Variants in PLSCR1 observed in about 807,000 individuals in gnomAD.
PLSCR1 encodes the protein PL scramblase 1.
A neutral mutation model predicts 37.8 loss-of-function variants in PLSCR1; 17 were observed. The ratio of observed to expected loss-of-function variants is 0.45; its 90% CI spans 0.31 to 0.68. The LOEUF is 0.68. Ranked by LOEUF, PLSCR1 falls within the 30% of genes least tolerant of loss-of-function variation. The probability of loss-of-function intolerance (pLI) is 0.06; values close to 1 mark genes in which losing one functional copy is unlikely to be tolerated. For synonymous variants in PLSCR1, 116 were observed against 125.9 expected, an observed-to-expected ratio of 0.92 and a Z score of 0.53; for missense variants, 347 against 380.9, an observed-to-expected ratio of 0.91 and a Z score of 0.74.
intron 4 of PLSCR1, chr3:146,528,310 A>C (rs1450633167): frequency 2.9e-6 from 1 of 346,118 alleles, no homozygotes; most frequent in Non-Finnish European, 5.4e-6. Context: ...CAGACTTTCA[A>C]TAAGGATTAA....
chr3:146,522,504 A>G (rs2044039489), intron 5 of PLSCR1, among the ~76,000 whole-genome samples: 1 of 152,204 alleles, frequency 6.6e-6, no homozygotes, highest in Non-Finnish European at 1.5e-5. Flanking sequence ...ATGCTTGTTA[A>G]GAGTCATCAC....
chr3:146,523,027 C>T (rs1456645766), intron 5 of PLSCR1, among the ~76,000 whole-genome samples: 1 of 152,244 alleles, frequency 6.6e-6, no homozygotes, highest in Non-Finnish European at 1.5e-5. Context: ...ACATCCCCCT[C>T]TCCGGGAAAC....
chr3:146,521,845 G>T lies in PLSCR1; in HGVS notation c.564C>A (p.Cys188Ter), dbSNP rs756026114. ...PLRCSSCCCP[C>*]CLQEIEIQAP... ...ATTGATCACAGACCTCCTGAAGGCA[G>T]CAGGGACAACAACAGCTGCTACATC... Residue 188 changes from cysteine to a stop codon, truncating the protein, a stop_gained, in exon 6 of 9, where the codon TGC becomes TGA. Transcript: ENST00000342435. LOFTEE classifies it high-confidence loss of function. 1.9e-6 allele frequency: 3 copies of T among 1,612,096 alleles called. No individual in the cohort carries two copies. The highest frequency in any genetic ancestry group is 2.5e-6 in the Non-Finnish European group (3 of 1,178,400).
chr3:146,516,160 C>G, intron 8 of PLSCR1, 59 bp from the exon 9 acceptor site: 1 of 1,044,702 alleles, frequency 9.6e-7, no homozygotes, highest in Admixed American at 1.9e-5. Context: ...GATCAATTAT[C>G]AGATGCAGAA....
chr3:146,521,846 C>A lies in PLSCR1; in HGVS notation c.563G>T (p.Cys188Phe). Reference sequence around the variant, plus strand: ...TTGATCACAGACCTCCTGAAGGCAGCAGGGACAACAACAGCTGCTACATCT... The same window carrying A: ...TTGATCACAGACCTCCTGAAGGCAGAAGGGACAACAACAGCTGCTACATCT... ...PLRCSSCCCP[C>F]CLQEIEIQAP... The change falls in exon 6 of 9, where the codon TGC becomes TTC. Residue 188 changes from cysteine (C) to phenylalanine (F), a missense_variant. By Grantham distance (205) the Cys-to-Phe change is radical. Coordinates refer to ENST00000342435, the MANE Select transcript of PLSCR1 (RefSeq NM_021105.3). 2 of 1,612,196 alleles carry A rather than the reference C, an allele frequency of 1.2e-6. No homozygotes were observed. Among genetic ancestry groups the A allele is most frequent in the South Asian group, 1.1e-5 (1 of 90,958 alleles).
chr3:146,524,699 T>TA (rs35783404), intron 5 of PLSCR1, among the ~76,000 whole-genome samples: 24 of 148,942 alleles, frequency 1.6e-4, no homozygotes, highest in Middle Eastern at 3.5e-3. Flanking sequence ...TTAGATACAC[T>TA]AAAAAAAAAA....
intron 7 of PLSCR1, 49 bp downstream of exon 7, chr3:146,521,495 C>A (rs1203569482): frequency 1.3e-6 from 2 of 1,504,590 alleles, no homozygotes; most frequent in Admixed American, 1.8e-5. Flanking sequence ...AAATTACATT[C>A]TTCTTATATT....
At chr3:146,539,519 C>T (rs922271159) in intron 1 of PLSCR1, among the ~76,000 whole-genome samples, 5 of 152,150 alleles carry the variant, frequency 3.3e-5, no homozygotes, top group Non-Finnish European at 5.9e-5. Flanking sequence ...AGTTTCAAGT[C>T]GTTGCCAAAT....
chr3:146,533,715 T>A (rs1336599980), intron 2 of PLSCR1, among the ~76,000 whole-genome samples, 165 bp from the exon 3 acceptor site: 4 of 152,368 alleles, frequency 2.6e-5, no homozygotes, highest in Admixed American at 2.6e-4. Context: ...TTCTCAGAGC[T>A]AATTTGCAAC....
chr3:146,528,810 T>C lies in PLSCR1; in HGVS notation c.116A>G (p.Tyr39Cys), dbSNP rs1576789684. ...AFQGPPGYSG[Y>C]PGPQVSYPPP... is the part of the protein sequence containing the mutation. ...TGGGTAGCTGACCTGGGGCCCAGGGTAGCCACTATATCCTGGAGGTCCTGA... is the reference window on the plus strand; with the variant it reads ...TGGGTAGCTGACCTGGGGCCCAGGGCAGCCACTATATCCTGGAGGTCCTGA... The change falls in exon 4 of 9, where the codon TAC becomes TGC. Residue 39 changes from tyrosine to cysteine, a missense_variant. Physicochemically the swap from Tyr to Cys is radical, Grantham distance 194 (BLOSUM62 -2). Coordinates refer to ENST00000342435, the MANE Select transcript of PLSCR1 (RefSeq NM_021105.3). 6.2e-7 allele frequency: 1 copy of C among 1,613,960 alleles called. No individual in the cohort carries two copies. The highest frequency in any genetic ancestry group is 8.5e-7 in the Non-Finnish European group (1 of 1,179,916).
At chr3:146,520,347 G>A (rs1305387540) in intron 7 of PLSCR1, among the ~76,000 whole-genome samples, 5 of 152,152 alleles carry the variant, frequency 3.3e-5, no homozygotes, top group Non-Finnish European at 5.9e-5. Context: ...ATATATGCCA[G>A]CCAAACTTCT....
At position 146,517,108 on chromosome 3, in the gene PLSCR1, A is replaced by T. The variant is rs763147224; in HGVS notation, c.798T>A (p.Ile266=). Residue 266 remains isoleucine (I), a synonymous_variant, in exon 8 of 9, where the codon ATT becomes ATA. Coordinates refer to ENST00000342435, the MANE Select transcript of PLSCR1 (RefSeq NM_021105.3). Reference sequence around the variant, plus strand: ...CAGCGTCTGTAAATGCCTCTCTCAAAATTCCAGTCCAGTGCTTGGAAATTT... The same window carrying T: ...CAGCGTCTGTAAATGCCTCTCTCAATATTCCAGTCCAGTGCTTGGAAATTT... The part of the protein sequence containing the change: ...VGKISKHWTG[I]LREAFTDADN... 1 of 1,602,172 alleles carries T rather than the reference A, an allele frequency of 6.2e-7. No individual in the cohort carries two copies. The highest frequency in any genetic ancestry group is 8.5e-7 in the Non-Finnish European group (1 of 1,173,494).
chr3:146,522,181 G>C, intron 5 of PLSCR1, 128 bp from the exon 6 acceptor site: 4 of 656,134 alleles, frequency 6.1e-6, no homozygotes, highest in Non-Finnish European at 1.1e-5. Context: ...GAGAAGAAAT[G>C]ATGTTTAGAG....
intron 5 of PLSCR1, among the ~76,000 whole-genome samples, chr3:146,523,420 T>C (rs1258790523): frequency 2.0e-5 from 3 of 152,210 alleles, no homozygotes; most frequent in Admixed American, 6.5e-5. Context: ...AGGATTGCTG[T>C]TTATGTGCTA....
intron 3 of PLSCR1, among the ~76,000 whole-genome samples, chr3:146,531,543 G>A (rs551043207): frequency 6.6e-6 from 1 of 152,268 alleles, no homozygotes; most frequent in East Asian, 1.9e-4. Flanking sequence ...GACTCTGAAA[G>A]TATGATGGAT....
At chr3:146,535,284 C>G (rs2044251217) in intron 2 of PLSCR1, among the ~76,000 whole-genome samples, 1 of 152,024 alleles carries the variant, frequency 6.6e-6, no homozygotes, top group African/African-American at 2.4e-5. Flanking sequence ...AACAGACAGA[C>G]TCAAGAAATC....
intron 5 of PLSCR1, among the ~76,000 whole-genome samples, chr3:146,522,390 C>T (rs1576782938): frequency 1.3e-5 from 2 of 151,774 alleles, no homozygotes; most frequent in South Asian, 2.1e-4. Flanking sequence ...TGTAACCCTA[C>T]CCCCCACCCT....
intron 1 of PLSCR1, chr3:146,536,905 C>T (rs560066720): frequency 5.0e-6 from 1 of 200,982 alleles, no homozygotes; most frequent in Non-Finnish European, 1.0e-5. Context: ...ACCTTCACAA[C>T]TTGAACAATC....
chr3:146,535,063 G>C (rs1405208301), intron 2 of PLSCR1, among the ~76,000 whole-genome samples: 1 of 151,900 alleles, frequency 6.6e-6, no homozygotes, highest in Admixed American at 6.6e-5. Context: ...TAACTCCCTA[G>C]TTCTCTAGCT....
Sources: allele counts gnomAD v4.1 joint callset (sites outside exome capture counted in the v4.1 genomes callset), GRCh38; gene constraint gnomAD v4.1.1; transcripts MANE v1.5; gene names NCBI Gene and HGNC (gene_info 2026-07-23, HGNC 2026-07-21).